MINDY3: variants seen among roughly 807,000 people sequenced by gnomAD.
MINDY3 encodes the protein ubiquitin carboxyl-terminal hydrolase MINDY-3.
In MINDY3, 38 loss-of-function variants were observed where a neutral mutation model predicts 69.2. The observed-to-expected ratio is 0.55, with a 90% CI of 0.42 to 0.72. The LOEUF (loss-of-function observed/expected upper bound fraction) is 0.72, where lower values mean the gene tolerates loss of function less well. Ranked by LOEUF, MINDY3 falls within the 30% of genes least tolerant of loss-of-function variation. The pLI is 0.00. For synonymous variants in MINDY3, 192 were observed against 180.1 expected, an observed-to-expected ratio of 1.07 and a Z score of -0.53; for missense variants, 522 against 519.0, an observed-to-expected ratio of 1.01 and a Z score of -0.06.
chr10:15,848,653 AAAAAAAAAAGAAAG>A lies in MINDY3; in HGVS notation c.95-724_95-711del, dbSNP rs1157314386. 1.6e-4 allele frequency among the ~76,000 whole-genome samples: 20 copies of A among 128,694 alleles called. 2 individuals are homozygous for A. The highest frequency in any genetic ancestry group is 4.7e-3 in the Middle Eastern group (1 of 214). The allele number at this position is 128,694 out of a possible 152,430, so 84.4% of individuals were successfully genotyped here. A position where few individuals can be genotyped will look rare whatever the true frequency, so the allele number is the denominator to read the frequency against. The stretch of plus-strand genomic sequence containing the variant: ...CATCTCAAAAAAAAAAAAAAAAAAA[AAAAAAAAAAGAAAG>A]AAAAATTAAATGGCATTGTAGACAG... On this transcript the variant is annotated intron_variant, in intron 1 of 14. Coordinates refer to ENST00000277632, the MANE Select transcript of MINDY3 (RefSeq NM_024948.4).
chr10:15,797,098 G>A (rs1477503763), intron 10 of MINDY3, among the ~76,000 whole-genome samples: 1 of 151,978 alleles, frequency 6.6e-6, no homozygotes, highest in Non-Finnish European at 1.5e-5. Flanking sequence ...CACAATTTTT[G>A]CAAGAAATGT....
At chr10:15,791,152 A>T (rs1564459065) in intron 11 of MINDY3, among the ~76,000 whole-genome samples, 1 of 152,132 alleles carries the variant, frequency 6.6e-6, no homozygotes, top group Admixed American at 6.6e-5. Context: ...AAAACTAAAG[A>T]TGTAATAGAA....
chr10:15,785,176 GA>G (rs1375611350), intron 13 of MINDY3, among the ~76,000 whole-genome samples: 2 of 152,164 alleles, frequency 1.3e-5, no homozygotes, highest in African/African-American at 4.8e-5. Context: ...CAAACAGCAT[GA>G]ACTATACAGA....
chr10:15,839,297 T>G (rs1177891990), intron 4 of MINDY3, among the ~76,000 whole-genome samples: 1 of 151,676 alleles, frequency 6.6e-6, no homozygotes, highest in African/African-American at 2.4e-5. Flanking sequence ...ATTAAGTTAT[T>G]TCTTGGTTTA....
intron 10 of MINDY3, among the ~76,000 whole-genome samples, chr10:15,808,381 G>A (rs1053359427): frequency 6.6e-5 from 10 of 152,096 alleles, no homozygotes; most frequent in East Asian, 1.9e-4. Context: ...AAGAGTAAAC[G>A]TATAAAGCAC....
intron 4 of MINDY3, among the ~76,000 whole-genome samples, chr10:15,840,221 T>C (rs2132083010): frequency 6.6e-6 from 1 of 151,850 alleles, no homozygotes; most frequent in Middle Eastern, 3.4e-3. Flanking sequence ...CTGGAGAATA[T>C]GTTAAAACCA....
intron 10 of MINDY3, among the ~76,000 whole-genome samples, chr10:15,802,959 GA>G: frequency 6.6e-6 from 1 of 151,996 alleles, no homozygotes; most frequent in Non-Finnish European, 1.5e-5. Context: ...AATAAAAAGA[GA>G]AAAAACCCAA....
At chr10:15,856,508 A>C (rs1266307342) in intron 1 of MINDY3, among the ~76,000 whole-genome samples, 2 of 152,056 alleles carry the variant, frequency 1.3e-5, no homozygotes, top group Non-Finnish European at 2.9e-5. Flanking sequence ...AAATAACTGG[A>C]AGAAGGAAAA....
At chr10:15,836,189 A>C (rs1833069769) in intron 6 of MINDY3, among the ~76,000 whole-genome samples, 3 of 151,990 alleles carry the variant, frequency 2.0e-5, no homozygotes, top group Non-Finnish European at 4.4e-5. Flanking sequence ...CCAAACCTGC[A>C]TTATACCCTC....
intron 10 of MINDY3, among the ~76,000 whole-genome samples, chr10:15,813,820 T>C (rs1260321452): frequency 6.6e-6 from 1 of 152,074 alleles, no homozygotes; most frequent in Non-Finnish European, 1.5e-5. Flanking sequence ...TTTTACTTAA[T>C]TGTAACCAGA....
chr10:15,779,314 T>C (rs999396672), intron 14 of MINDY3, among the ~76,000 whole-genome samples, 173 bp from the exon 15 acceptor site: 2 of 152,202 alleles, frequency 1.3e-5, no homozygotes, highest in African/African-American at 2.4e-5. Flanking sequence ...TACTGATTAA[T>C]GTGAAAGTAA....
intron 8 of MINDY3, among the ~76,000 whole-genome samples, chr10:15,825,103 T>G (rs549874328): frequency 5.3e-5 from 8 of 152,320 alleles, no homozygotes; most frequent in African/African-American, 1.9e-4. Context: ...TTTTCAAGTA[T>G]TCCTAATCTG....
chr10:15,824,520 C>G (rs1467189565), intron 8 of MINDY3, among the ~76,000 whole-genome samples: 1 of 152,144 alleles, frequency 6.6e-6, no homozygotes, highest in Non-Finnish European at 1.5e-5. Flanking sequence ...GTTTTAGAAT[C>G]TTCAGGTTAA....
At chr10:15,847,292 T>C (rs1449126027) in intron 2 of MINDY3, among the ~76,000 whole-genome samples, 1 of 152,174 alleles carries the variant, frequency 6.6e-6, no homozygotes, top group African/African-American at 2.4e-5. Flanking sequence ...CCAAATCAAA[T>C]AAAGACATTC....
intron 12 of MINDY3, among the ~76,000 whole-genome samples, chr10:15,787,457 A>G (rs115724133): frequency 0.013 from 1,988 of 152,282 alleles, 49 homozygotes; most frequent in African/African-American, 0.043. Context: ...CACAACATGC[A>G]AAGTGTTGTG....
intron 11 of MINDY3, among the ~76,000 whole-genome samples, chr10:15,789,746 G>T (rs1488187119): frequency 2.0e-5 from 3 of 152,022 alleles, no homozygotes; most frequent in Non-Finnish European, 4.4e-5. Context: ...TTAGTTTCTT[G>T]AAGGAATGTC....
chr10:15,848,551 G>A (rs377607359), intron 1 of MINDY3, among the ~76,000 whole-genome samples: 15 of 146,772 alleles, frequency 1.0e-4, no homozygotes, highest in Middle Eastern at 3.6e-3. Flanking sequence ...GAAGAATGGC[G>A]TGAACCTAGC....
chr10:15,792,973 A>C (rs903639942), intron 11 of MINDY3, among the ~76,000 whole-genome samples: 10 of 152,120 alleles, frequency 6.6e-5, no homozygotes, highest in Non-Finnish European at 2.9e-5. Flanking sequence ...TCCATTTTAC[A>C]GATGAAAAAC....
chr10:15,811,406 G>C (rs1176278923), intron 10 of MINDY3, among the ~76,000 whole-genome samples: 1 of 152,002 alleles, frequency 6.6e-6, no homozygotes, highest in African/African-American at 2.4e-5. Context: ...AGAAAAAGGA[G>C]CCAAAGCCAT....
Sources: gnomAD v4.1 joint callset for allele counts (sites outside exome capture counted in the v4.1 genomes callset) on GRCh38, gnomAD v4.1.1 for gene constraint, MANE v1.5 for transcripts, NCBI Gene and HGNC (gene_info 2026-07-23, HGNC 2026-07-21) for gene names.